Variants in SEC16B observed in about 807,000 individuals in gnomAD.
SEC16B encodes SEC16 homolog B, endoplasmic reticulum export factor.
In SEC16B, 115 loss-of-function variants were observed where a neutral mutation model predicts 141.8. The ratio of observed to expected loss-of-function variants is 0.81; its 90% CI spans 0.70 to 0.95. The LOEUF is 0.95. SEC16B is among the 40% of genes least tolerant of loss of function. SEC16B has a pLI of 0.00. For synonymous variants in SEC16B, 493 were observed against 492.5 expected, an observed-to-expected ratio of 1.00 and a Z score of -0.01; for missense variants, 1,291 against 1,312.3, an observed-to-expected ratio of 0.98 and a Z score of 0.25.
chr1:177,956,665 T>A (rs908120861), intron 10 of SEC16B, among the ~76,000 whole-genome samples: 1 of 152,182 alleles, frequency 6.6e-6, no homozygotes, highest in African/African-American at 2.4e-5. Flanking sequence ...AAGCTAGAAA[T>A]CAATCTTCAT....
chr1:177,975,096 A>G (rs140403741), upstream of SEC16B, among the ~76,000 whole-genome samples: 35 of 152,308 alleles, frequency 2.3e-4, no homozygotes, highest in African/African-American at 7.7e-4. Flanking sequence ...GAGAAACATT[A>G]TGACGGTTTG....
At chr1:177,978,974 A>G (rs1469897785) in intron 1 of SEC16B, among the ~76,000 whole-genome samples, 2 of 152,046 alleles carry the variant, frequency 1.3e-5, no homozygotes, top group South Asian at 4.1e-4. Flanking sequence ...CATTATTTTC[A>G]TTACCCAGTG....
At chr1:177,963,746 T>C (rs1213393107) in intron 5 of SEC16B, among the ~76,000 whole-genome samples, 1 of 152,190 alleles carries the variant, frequency 6.6e-6, no homozygotes, top group African/African-American at 2.4e-5. Context: ...AGGAAAGGGA[T>C]GAATGAAGAG....
At chr1:177,940,141 G>T (rs756594405) in intron 17 of SEC16B, among the ~76,000 whole-genome samples, 1 of 152,234 alleles carries the variant, frequency 6.6e-6, no homozygotes, top group Non-Finnish European at 1.5e-5. Context: ...AAATGGAGGA[G>T]GCCCTGTTCC....
In SEC16B at chr1:177,937,280, C is replaced by G. The variant is rs371826824; in HGVS notation, c.2437G>C (p.Val813Leu). ...CCTCCAGTGGCCTCTGTCACTGCCA[C>G]GCTGCTGCCAGTCCCTGGTAGATGG... ...ETHLPGTGSS[V>L]AVTEATGGTV... is the part of the protein sequence containing the mutation. The change falls in exon 19 of 26, where the codon GTG becomes CTG. Residue 813 changes from valine to leucine, a missense_variant. By Grantham distance (32) the Val-to-Leu change is conservative (BLOSUM62 1). Coordinates refer to ENST00000308284, the MANE Select transcript of SEC16B (RefSeq NM_033127.4). 6.2e-7 allele frequency: 1 copy of G among 1,613,808 alleles called. No individual in the cohort carries two copies. Among genetic ancestry groups the G allele is most frequent in the African/African-American group, 1.3e-5 (1 of 74,926 alleles).
Position 177,951,914 on chromosome 1 carries a change from C to A in SEC16B, c.1545G>T (p.Thr515=). The change falls in exon 12 of 26, where the codon ACG becomes ACT. Residue 515 remains threonine (T), a splice_region_variant and synonymous_variant. Transcript: ENST00000308284. The part of the protein sequence containing the change: ...LMSGRIPQAA[T]CCGEKQWGDW... ...TAAAGGAATCCTGTCATAGGGGTAC[C>A]GTGGCTGCCTGTGGAATCCTCCCCG... 1 of 1,599,548 alleles carries A rather than the reference C, an allele frequency of 6.3e-7. No individual in the cohort carries two copies. Among genetic ancestry groups the A allele is most frequent in the East Asian group, 2.3e-5 (1 of 44,044 alleles).
chr1:177,951,639 C>G (rs776426544), intron 12 of SEC16B, among the ~76,000 whole-genome samples: 2 of 152,186 alleles, frequency 1.3e-5, no homozygotes, highest in Non-Finnish European at 2.9e-5. Flanking sequence ...GATCCTGACC[C>G]CACTACTCAC....
Position 177,933,612 on chromosome 1 carries a change from T to C in SEC16B, c.2596A>G (p.Ser866Gly), listed in dbSNP as rs1472426863. The C allele has an allele frequency of 4.3e-6, 7 of 1,613,984 alleles. No homozygotes were observed. The highest frequency in any genetic ancestry group is 2.2e-5 in the South Asian group (2 of 91,072). ...GAACTGGCGGAACTCTCAGAAATACTTCGTGGTCTAGCAGCCAATGGTGTC... is the reference window on the plus strand; with the variant it reads ...GAACTGGCGGAACTCTCAGAAATACCTCGTGGTCTAGCAGCCAATGGTGTC... ...PQTPLAARPR[S>G]ISESSASSAK... Residue 866 changes from serine (S) to glycine (G), a missense_variant, in exon 21 of 26, where the codon AGT (serine) becomes GGT (glycine). Physicochemically the swap from Ser to Gly is moderately conservative, Grantham distance 56 (BLOSUM62 0). Around this residue, in one of 3 missense-constraint regions of SEC16B, gnomAD observed 605 missense variants for 614.1 expected, o/e 0.99. Transcript: ENST00000308284.
intron 1 of SEC16B, among the ~76,000 whole-genome samples, chr1:177,969,505 T>TGGTGGAA (rs1368778329): frequency 2.6e-5 from 4 of 152,192 alleles, no homozygotes; most frequent in Admixed American, 6.5e-5. Context: ...TTCTGAAGGC[T>TGGTGGAA]GGTGGAACTC....
At chr1:177,968,613 C>G (rs186826615) in intron 1 of SEC16B, among the ~76,000 whole-genome samples, 13 of 152,208 alleles carry the variant, frequency 8.5e-5, no homozygotes, top group African/African-American at 2.6e-4. Context: ...TGTTAAAATG[C>G]TCAATAAATA....
At chr1:177,935,389 A>G (rs572361508) in intron 20 of SEC16B, among the ~76,000 whole-genome samples, 55 of 152,318 alleles carry the variant, frequency 3.6e-4, no homozygotes, top group African/African-American at 1.3e-3. Flanking sequence ...ATTAAAAATC[A>G]TATTTATGAA....
chr1:177,932,800 G>A lies in SEC16B; in HGVS notation c.2830C>T (p.Pro944Ser), dbSNP rs1320030627. The change falls in exon 23 of 26, where the codon CCC becomes TCC. Residue 944 changes from proline (P) to serine (S), a missense_variant. Transcript: ENST00000308284. ...SSDSPDSEET[P>S]RASSPHQAGL... is the part of the protein sequence containing the mutation. ...GCCTGGTGGGGAGAAGATGCTCTGG[G>A]GGTCTCCTGCTTTGTGGAGAAAGAA... 2 of 1,610,658 alleles carry A rather than the reference G, an allele frequency of 1.2e-6. No homozygotes were observed. Among genetic ancestry groups the A allele is most frequent in the Non-Finnish European group, 1.7e-6 (2 of 1,178,762 alleles).
At position 177,967,680 on chromosome 1, in the gene SEC16B, T is replaced by C; in HGVS notation, c.299+3A>G. On this transcript the variant is annotated splice_donor_region_variant and intron_variant, in intron 2 of 25. Coordinates refer to ENST00000308284, the MANE Select transcript of SEC16B (RefSeq NM_033127.4). ...GCATTCATTCCAAGCCCTAAAGCCA[T>C]ACCTTGAATACAACTGATTGCGATA... The C allele has an allele frequency of 6.3e-7, 1 of 1,584,340 alleles. No homozygotes were observed. The highest frequency in any genetic ancestry group is 8.6e-7 in the Non-Finnish European group (1 of 1,161,106).
Position 177,944,602 on chromosome 1 carries a change from G to C in SEC16B, c.1840C>G (p.Gln614Glu). The C allele has an allele frequency of 6.2e-7, 1 of 1,613,928 alleles. No homozygotes were observed. The highest frequency in any genetic ancestry group is 8.5e-7 in the Non-Finnish European group (1 of 1,179,848). The change falls in exon 15 of 26, where the codon CAG becomes GAG. Residue 614 changes from glutamine (Q) to glutamate (E), a missense_variant. By Grantham distance (29) the Gln-to-Glu change is conservative (BLOSUM62 2). Transcript: ENST00000308284. Reference protein sequence around the residue: ...IQRTEIFEYCQMLGRPKSFIP... With the variant: ...IQRTEIFEYCEMLGRPKSFIP... ...AAGGATTTGGGGCGGCCCAGCATCT[G>C]ACAGTACTCGAAGATTTCCGTCCTC...
intron 10 of SEC16B, among the ~76,000 whole-genome samples, chr1:177,956,062 A>G (rs1652575681): frequency 6.6e-6 from 1 of 152,260 alleles, no homozygotes; most frequent in Non-Finnish European, 1.5e-5. Context: ...AATCCAGCAC[A>G]CTGCCTATTT....
rs1650274585 is a variant in SEC16B at position 177,929,776 on chromosome 1, G to A, written c.*82C>T. The A allele has an allele frequency of 6.7e-7, 1 of 1,487,504 alleles. No homozygotes were observed. Among genetic ancestry groups the A allele is most frequent in the East Asian group, 2.3e-5 (1 of 42,604 alleles). 92.1% of individuals were successfully genotyped at this position (1,487,504 alleles called of 1,614,324 possible). ...CAAACCTCTTGAGGGTCCCAATATG[G>A]TAGAGAGGGGCTGGGAGATTGAGAA... On this transcript the variant is annotated 3_prime_UTR_variant, in exon 26 of 26. Transcript: ENST00000308284.
chr1:177,958,835 C>T lies in SEC16B; in HGVS notation c.1134+5G>A. On this transcript the variant is annotated splice_donor_5th_base_variant and intron_variant, in intron 9 of 25. Coordinates refer to ENST00000308284, the MANE Select transcript of SEC16B (RefSeq NM_033127.4). ...CACCTGCTCTCCCACCAGAACAGAA[C>T]TTACCCCATTCTGGCGACAAAGGAG... 1 of 1,612,964 alleles carries T rather than the reference C, an allele frequency of 6.2e-7. No homozygotes were observed. The highest frequency in any genetic ancestry group is 8.5e-7 in the Non-Finnish European group (1 of 1,179,260).
intron 11 of SEC16B, among the ~76,000 whole-genome samples, chr1:177,953,187 G>T (rs1652339784): frequency 6.6e-6 from 1 of 151,878 alleles, no homozygotes; most frequent in African/African-American, 2.4e-5. Context: ...TGTATTTTTA[G>T]TAGAGACGGG....
chr1:177,932,623 C>T, intron 23 of SEC16B, 54 bp from the exon 24 acceptor site: 1 of 1,501,046 alleles, frequency 6.7e-7, no homozygotes. Context: ...GGGGTCCCCA[C>T]TCCCAGAAGG....
Sources: allele counts gnomAD v4.1 joint callset (sites outside exome capture counted in the v4.1 genomes callset), GRCh38; gene constraint gnomAD v4.1.1; regional missense constraint gnomAD v4.1.1; transcripts MANE v1.5; gene names NCBI Gene and HGNC (gene_info 2026-07-23, HGNC 2026-07-21).